ADK: variants seen among roughly 807,000 people sequenced by gnomAD.
The protein encoded by ADK is N6,N6-dimethyladenosine kinase.
A neutral mutation model predicts 44.7 loss-of-function variants in ADK; 24 were observed. That is an observed-to-expected ratio of 0.54 (90% CI 0.39 to 0.76). The LOEUF (loss-of-function observed/expected upper bound fraction) is 0.76, where lower values mean the gene tolerates loss of function less well. ADK is among the 30% of genes least tolerant of loss of function. The pLI, the probability that ADK is intolerant of heterozygous loss-of-function variation, is 0.00. For missense variants in ADK, 321 were observed against 425.1 expected (o/e 0.76, Z 2.15); for synonymous variants, 128 against 142.6 (o/e 0.90, Z 0.73).
chr10:74,155,589 G>T (rs1348444059), intron 1 of ADK, among the ~76,000 whole-genome samples: 1 of 152,136 alleles, frequency 6.6e-6, no homozygotes, highest in African/African-American at 2.4e-5. Flanking sequence ...GAGTGCAGTG[G>T]CACAGTCTCG....
chr10:74,522,146 C>G (rs1291621327), intron 6 of ADK, among the ~76,000 whole-genome samples: 2 of 152,180 alleles, frequency 1.3e-5, no homozygotes, highest in East Asian at 3.9e-4. Flanking sequence ...GACACAGGAG[C>G]CTTCAGAAAT....
intron 4 of ADK, among the ~76,000 whole-genome samples, chr10:74,337,641 T>C (rs1841449317): frequency 6.6e-6 from 1 of 152,244 alleles, no homozygotes; most frequent in Non-Finnish European, 1.5e-5. Flanking sequence ...CTCCTCTACT[T>C]TTTATTACTA....
intron 6 of ADK, among the ~76,000 whole-genome samples, chr10:74,505,365 A>G (rs1484385617): frequency 6.6e-6 from 1 of 152,132 alleles, no homozygotes; most frequent in Non-Finnish European, 1.5e-5. Context: ...TTCTGGCACT[A>G]CTTATTCTAC....
chr10:74,238,678 G>A (rs1314756980), intron 3 of ADK, among the ~76,000 whole-genome samples: 1 of 152,078 alleles, frequency 6.6e-6, no homozygotes, highest in Non-Finnish European at 1.5e-5. Flanking sequence ...ATGGTCTCAT[G>A]GGAAATATTG....
intron 6 of ADK, among the ~76,000 whole-genome samples, chr10:74,484,130 A>C (rs1489664444): frequency 6.6e-6 from 1 of 152,196 alleles, no homozygotes; most frequent in Non-Finnish European, 1.5e-5. Context: ...CCTTAGAAAG[A>C]AAAGAGGTTT....
chr10:74,536,818 C>G (rs1265428856), intron 7 of ADK, among the ~76,000 whole-genome samples: 2 of 152,108 alleles, frequency 1.3e-5, no homozygotes, highest in African/African-American at 4.8e-5. Flanking sequence ...CATGTTATAG[C>G]ATGTTATCAG....
intron 3 of ADK, among the ~76,000 whole-genome samples, chr10:74,283,984 C>G (rs1032833091): frequency 1.4e-4 from 21 of 147,058 alleles, no homozygotes; most frequent in Admixed American, 8.1e-4. Flanking sequence ...CCAGCTCGCT[C>G]TTGTTTTCTT....
At chr10:74,647,268 C>T (rs901961643) in intron 9 of ADK, among the ~76,000 whole-genome samples, 2 of 152,018 alleles carry the variant, frequency 1.3e-5, no homozygotes, top group African/African-American at 4.8e-5. Flanking sequence ...TATCCACAGA[C>T]GATATAGAGT....
chr10:74,690,270 G>A (rs1201109517), intron 10 of ADK, among the ~76,000 whole-genome samples: 1 of 152,202 alleles, frequency 6.6e-6, no homozygotes, highest in Non-Finnish European at 1.5e-5. Context: ...TGAGATGGGT[G>A]GATCGCTTGA....
chr10:74,473,870 T>G (rs527413786), intron 6 of ADK, among the ~76,000 whole-genome samples: 8 of 152,232 alleles, frequency 5.3e-5, no homozygotes, highest in African/African-American at 1.9e-4. Flanking sequence ...TTTAGAAACC[T>G]CATAGAGGAA....
intron 6 of ADK, among the ~76,000 whole-genome samples, chr10:74,460,792 T>C (rs925793802): frequency 6.6e-6 from 1 of 152,180 alleles, no homozygotes; most frequent in Non-Finnish European, 1.5e-5. Flanking sequence ...ATACGATAGA[T>C]GTGTTCTAGT....
At chr10:74,420,865 G>T (rs1844532030) in intron 6 of ADK, among the ~76,000 whole-genome samples, 1 of 151,862 alleles carries the variant, frequency 6.6e-6, no homozygotes, top group South Asian at 2.1e-4. Flanking sequence ...GTTATTTCAG[G>T]TATTGAAATT....
intron 4 of ADK, among the ~76,000 whole-genome samples, chr10:74,375,660 T>C (rs1842796710): frequency 6.6e-6 from 1 of 152,122 alleles, no homozygotes; most frequent in African/African-American, 2.4e-5. Flanking sequence ...TTTTTTTTTT[T>C]AAACTGCTGG....
At chr10:74,420,081 A>G (rs1844506781) in intron 6 of ADK, among the ~76,000 whole-genome samples, 1 of 152,190 alleles carries the variant, frequency 6.6e-6, no homozygotes, top group African/African-American at 2.4e-5. Flanking sequence ...TTAACTGATG[A>G]TGATACTGCC....
rs577548597 is a variant in ADK, at chr10:74,197,546, A to G, written c.66-3218A>G. 1.6e-3 allele frequency among the ~76,000 whole-genome samples: 251 copies of G among 152,208 alleles called. 2 individuals are homozygous for G. The highest frequency in any genetic ancestry group is 2.9e-3 in the Non-Finnish European group (199 of 68,014). On this transcript the variant is annotated intron_variant, in intron 1 of 10. Transcript: ENST00000539909. ...GAAACCCCATTTCTACTACAAATAT[A>G]AAAATTAGCCAGGCGTGGTGGTGGG...
chr10:74,467,007 G>A (rs1435121154), intron 6 of ADK, among the ~76,000 whole-genome samples: 3 of 152,030 alleles, frequency 2.0e-5, no homozygotes, highest in Non-Finnish European at 2.9e-5. Context: ...ATGTATATAT[G>A]TATCTTAAAT....
chr10:74,484,664 T>A (rs1847201780), intron 6 of ADK, among the ~76,000 whole-genome samples: 1 of 152,006 alleles, frequency 6.6e-6, no homozygotes, highest in South Asian at 2.1e-4. Flanking sequence ...GACAACAAAG[T>A]GGGATGTAGC....
At chr10:74,279,304 T>C (rs1467357315) in intron 3 of ADK, among the ~76,000 whole-genome samples, 2 of 141,452 alleles carry the variant, frequency 1.4e-5, no homozygotes, top group African/African-American at 5.3e-5. Context: ...AAAATAAAAA[T>C]TGAGGCCAGG....
intron 1 of ADK, 83 bp downstream of exon 1, chr10:74,151,426 T>C (rs1412712679): frequency 2.1e-6 from 3 of 1,443,782 alleles, no homozygotes; most frequent in Non-Finnish European, 1.9e-6. Context: ...GCCCCGACGC[T>C]GGGTGGTGTC....
Sources: gnomAD v4.1 joint callset for allele counts (sites outside exome capture counted in the v4.1 genomes callset) on GRCh38, gnomAD v4.1.1 for gene constraint, MANE v1.5 for transcripts, NCBI Gene and HGNC (gene_info 2026-07-23, HGNC 2026-07-21) for gene names.